PDZRN3: variants seen among roughly 807,000 people sequenced by gnomAD.
PDZRN3 encodes the protein PDZ domain containing ring finger 3.
PDZRN3 carries 38 observed loss-of-function variants against 85.7 expected under a neutral mutation model. That is an observed-to-expected ratio of 0.44 (90% CI 0.34 to 0.58). The LOEUF (loss-of-function observed/expected upper bound fraction) is 0.58. Among genes scored for constraint, PDZRN3 ranks in the 20% least tolerant of loss-of-function variants. The pLI is 0.01. For missense variants in PDZRN3, 1,629 were observed against 1,506.4 expected (o/e 1.08, Z -1.35); for synonymous variants, 759 against 638.0 (o/e 1.19, Z -2.86).
chr3:73,460,778 C>T (rs895059195), intron 3 of PDZRN3, among the ~76,000 whole-genome samples: 10 of 152,014 alleles, frequency 6.6e-5, no homozygotes, highest in African/African-American at 2.4e-4. Context: ...GGCAGAAACA[C>T]AGAGATTTGT....
At chr3:73,512,764 G>A (rs976106191) in intron 3 of PDZRN3, among the ~76,000 whole-genome samples, 2 of 152,112 alleles carry the variant, frequency 1.3e-5, no homozygotes, top group African/African-American at 4.8e-5. Context: ...AGGCCTTGTA[G>A]CCAAACATTC....
intron 3 of PDZRN3, among the ~76,000 whole-genome samples, chr3:73,406,461 A>G (rs1701856431): frequency 6.6e-6 from 1 of 152,220 alleles, no homozygotes; most frequent in African/African-American, 2.4e-5. Context: ...CAAGAGTCAC[A>G]TAATACAGGA....
chr3:73,583,892 A>G (rs1702236602), intron 3 of PDZRN3, among the ~76,000 whole-genome samples: 1 of 152,210 alleles, frequency 6.6e-6, no homozygotes, highest in African/African-American at 2.4e-5. Flanking sequence ...ATCTCCAGAG[A>G]CATTCAGCAA....
intron 3 of PDZRN3, among the ~76,000 whole-genome samples, chr3:73,517,983 T>C (rs1345118849): frequency 6.6e-6 from 1 of 152,216 alleles, no homozygotes; most frequent in Non-Finnish European, 1.5e-5. Context: ...AATTACCATA[T>C]GATTCAGCAA....
At chr3:73,614,414 C>T (rs753263846) in intron 1 of PDZRN3, among the ~76,000 whole-genome samples, 16 of 152,302 alleles carry the variant, frequency 1.1e-4, no homozygotes, top group East Asian at 5.8e-4. Flanking sequence ...GGTCCATCCA[C>T]GCCACTGTCA....
rs35396413 is a variant in PDZRN3 at position 73,600,304 on chromosome 3, AAC to A, written c.918+2048_918+2049del. Among the ~76,000 whole-genome samples the A allele has an allele frequency of 3.6e-3, 453 of 124,450 alleles. 2 individuals are homozygous for A. Among genetic ancestry groups the A allele is most frequent in the African/African-American group, 0.013 (397 of 30,586 alleles). 81.6% of individuals were successfully genotyped at this position (124,450 alleles called of 152,430 possible). On this transcript the variant is annotated intron_variant, in intron 3 of 9. Coordinates refer to ENST00000263666, the MANE Select transcript of PDZRN3 (RefSeq NM_015009.3). ...AGACTTTGACTCTTCTTAGTAATGAAACACACACACACACACACACACACACA... is the reference window on the plus strand; with the variant it reads ...AGACTTTGACTCTTCTTAGTAATGAAACACACACACACACACACACACACA...
At chr3:73,505,764 GT>G (rs199857289) in intron 3 of PDZRN3, among the ~76,000 whole-genome samples, 1 of 151,868 alleles carries the variant, frequency 6.6e-6, no homozygotes, top group Non-Finnish European at 1.5e-5. Flanking sequence ...ATGTCCTCTT[GT>G]TTTTTTAAAA....
intron 3 of PDZRN3, among the ~76,000 whole-genome samples, chr3:73,506,272 T>C (rs917594730): frequency 1.3e-5 from 2 of 152,152 alleles, no homozygotes; most frequent in African/African-American, 4.8e-5. Flanking sequence ...CTGGGCAGGA[T>C]AACAGTTTTC....
In PDZRN3 at chr3:73,577,934, T is replaced by C. The variant is rs1051462506; in HGVS notation, c.918+24420A>G. On this transcript the variant is annotated intron_variant, in intron 3 of 9. Transcript: ENST00000263666. ...TGTTTGTTTAGGTACTGTCCATGGT[T>C]GCTTTCCCTCTAGAGCAACAGAGTT... Among the ~76,000 whole-genome samples, 33 of 152,246 alleles carry C rather than the reference T, an allele frequency of 2.2e-4. 1 individual carries two copies. Among genetic ancestry groups the C allele is most frequent in the Non-Finnish European group, 1.0e-4 (7 of 68,046 alleles).
intron 3 of PDZRN3, among the ~76,000 whole-genome samples, chr3:73,447,041 CTATATA>C (rs148063336): frequency 1.4e-5 from 2 of 140,984 alleles, no homozygotes; most frequent in African/African-American, 2.6e-5. Flanking sequence ...AACCTCTTGA[CTATATA>C]TATATATATA....
chr3:73,427,248 A>G (rs550588948), intron 3 of PDZRN3, among the ~76,000 whole-genome samples: 5 of 152,242 alleles, frequency 3.3e-5, no homozygotes, highest in African/African-American at 9.6e-5. Flanking sequence ...GCTCGACTAC[A>G]TTTTACCAAC....
chr3:73,488,167 A>G (rs1455985434), intron 3 of PDZRN3, among the ~76,000 whole-genome samples: 1 of 152,220 alleles, frequency 6.6e-6, no homozygotes, highest in Non-Finnish European at 1.5e-5. Flanking sequence ...AAACAAATGA[A>G]CTAAAATGTA....
At chr3:73,451,164 C>T in intron 3 of PDZRN3, among the ~76,000 whole-genome samples, 1 of 152,196 alleles carries the variant, frequency 6.6e-6, no homozygotes, top group East Asian at 1.9e-4. Context: ...GCAAATACTT[C>T]TTCCGGGTGG....
At chr3:73,508,594 C>CT (rs1704109783) in intron 3 of PDZRN3, among the ~76,000 whole-genome samples, 1 of 152,128 alleles carries the variant, frequency 6.6e-6, no homozygotes, top group African/African-American at 2.4e-5. Context: ...GTTTTCTATC[C>CT]TTAAGAAAGA....
chr3:73,497,372 C>A (rs1024177579), intron 3 of PDZRN3, among the ~76,000 whole-genome samples: 1 of 151,954 alleles, frequency 6.6e-6, no homozygotes, highest in African/African-American at 2.4e-5. Context: ...ATCTTTAAGC[C>A]AAATGATCAG....
chr3:73,553,164 T>C (rs1701603287), intron 3 of PDZRN3, among the ~76,000 whole-genome samples: 1 of 152,184 alleles, frequency 6.6e-6, no homozygotes, highest in South Asian at 2.1e-4. Flanking sequence ...AAATAGCCTG[T>C]AAAAATGCAC....
intron 3 of PDZRN3, among the ~76,000 whole-genome samples, chr3:73,533,552 T>C (rs1704709065): frequency 6.6e-6 from 1 of 152,174 alleles, no homozygotes; most frequent in South Asian, 2.1e-4. Context: ...AAATTGTTTT[T>C]TTTTTTAAAT....
At chr3:73,562,249 A>G (rs929769056) in intron 3 of PDZRN3, among the ~76,000 whole-genome samples, 1 of 152,198 alleles carries the variant, frequency 6.6e-6, no homozygotes, top group Non-Finnish European at 1.5e-5. Flanking sequence ...AAAAAGAGTC[A>G]TGAGAATACC....
chr3:73,568,768 C>G (rs1016974679), intron 3 of PDZRN3, among the ~76,000 whole-genome samples: 24 of 152,168 alleles, frequency 1.6e-4, no homozygotes, highest in Admixed American at 6.5e-5. Flanking sequence ...ACATGATTAT[C>G]TAAAAATTAA....
Sources: gnomAD v4.1 joint callset for allele counts (sites outside exome capture counted in the v4.1 genomes callset) on GRCh38, gnomAD v4.1.1 for gene constraint, MANE v1.5 for transcripts, NCBI Gene and HGNC (gene_info 2026-07-23, HGNC 2026-07-21) for gene names.